Variants in FARS2 observed in about 807,000 individuals in gnomAD.
The protein encoded by FARS2 is phenylalanine--tRNA ligase, mitochondrial.
FARS2 carries 40 observed loss-of-function variants against 46.4 expected under a neutral mutation model. The observed-to-expected ratio is 0.86, with a 90% CI of 0.67 to 1.12. The LOEUF (loss-of-function observed/expected upper bound fraction) is 1.12. FARS2 is among the 50% of genes most tolerant of loss of function. The pLI, the probability that FARS2 is intolerant of heterozygous loss-of-function variation, is 0.00. For synonymous variants in FARS2, 234 were observed against 214.9 expected, an observed-to-expected ratio of 1.09 and a Z score of -0.78; for missense variants, 513 against 567.9, an observed-to-expected ratio of 0.90 and a Z score of 0.98.
intron 4 of FARS2, among the ~76,000 whole-genome samples, chr6:5,537,833 T>C (rs888870722): frequency 6.6e-6 from 1 of 152,194 alleles, no homozygotes; most frequent in African/African-American, 2.4e-5. Context: ...CTTCTCACTG[T>C]CCTCTTTTCT....
intron 4 of FARS2, among the ~76,000 whole-genome samples, chr6:5,516,553 G>A (rs962773387): frequency 6.6e-6 from 1 of 152,148 alleles, no homozygotes; most frequent in African/African-American, 2.4e-5. Flanking sequence ...GTGCTATTCT[G>A]TGTTAGCTAA....
intron 6 of FARS2, among the ~76,000 whole-genome samples, chr6:5,705,298 C>T (rs1236719280): frequency 1.3e-5 from 2 of 152,140 alleles, no homozygotes; most frequent in Non-Finnish European, 2.9e-5. Flanking sequence ...TGTTTCTTCT[C>T]GACTTCATGC....
intron 2 of FARS2, among the ~76,000 whole-genome samples, chr6:5,388,278 AG>A (rs1760268769): frequency 2.0e-5 from 3 of 152,212 alleles, no homozygotes; most frequent in Admixed American, 6.5e-5. Flanking sequence ...AAATGGTTGC[AG>A]AGAAAAAGTA....
At chr6:5,357,862 TAA>T (rs1758037943) in intron 1 of FARS2, among the ~76,000 whole-genome samples, 1 of 152,168 alleles carries the variant, frequency 6.6e-6, no homozygotes, top group South Asian at 2.1e-4. Flanking sequence ...TTATGAGGAT[TAA>T]AAGAAAAGAG....
chr6:5,431,012 A>G (rs768208541), intron 3 of FARS2, 29 bp from the exon 4 acceptor site: 2 of 1,610,172 alleles, frequency 1.2e-6, no homozygotes, highest in African/African-American at 1.3e-5. Flanking sequence ...ATTTAACACT[A>G]CTTATTTGTT....
intron 5 of FARS2, among the ~76,000 whole-genome samples, chr6:5,611,387 T>A (rs1775175904): frequency 1.3e-5 from 2 of 152,148 alleles, no homozygotes; most frequent in Admixed American, 1.3e-4. Flanking sequence ...GGCTTTCTCC[T>A]GGGGCAGTGG....
At chr6:5,475,236 T>A (rs1766053565) in intron 4 of FARS2, among the ~76,000 whole-genome samples, 1 of 152,200 alleles carries the variant, frequency 6.6e-6, no homozygotes, top group African/African-American at 2.4e-5. Context: ...AAGACTAGAT[T>A]TCTTGGACAG....
intron 1 of FARS2, among the ~76,000 whole-genome samples, chr6:5,324,655 C>T (rs1770231546): frequency 6.6e-6 from 1 of 152,088 alleles, no homozygotes; most frequent in South Asian, 2.1e-4. Flanking sequence ...ATGAACAGTA[C>T]ACATACTCTA....
At chr6:5,576,954 G>C (rs1045958691) in intron 5 of FARS2, among the ~76,000 whole-genome samples, 7 of 151,832 alleles carry the variant, frequency 4.6e-5, no homozygotes, top group African/African-American at 1.5e-4. Context: ...TATTTCCTGA[G>C]GGTGTTGGAA....
chr6:5,708,526 A>G (rs1758908926), intron 6 of FARS2, among the ~76,000 whole-genome samples: 1 of 152,150 alleles, frequency 6.6e-6, no homozygotes, highest in South Asian at 2.1e-4. Context: ...AAACTACTTC[A>G]GTTTCATCCA....
In FARS2 at chr6:5,302,581, A is replaced by G. The variant is rs148923066; in HGVS notation, c.-22+40921A>G. On this transcript the variant is annotated intron_variant, in intron 1 of 6. Coordinates refer to ENST00000274680, the MANE Select transcript of FARS2 (RefSeq NM_006567.5). ...ATCTTAGGAGGTGGACACTATTACT[A>G]TCTTTTACAGATGGGGAGATGAGGC... Among the ~76,000 whole-genome samples the G allele has an allele frequency of 3.8e-3, 581 of 152,322 alleles. 3 individuals carry two copies. Among genetic ancestry groups the G allele is most frequent in the Middle Eastern group, 0.01 (3 of 294 alleles).
chr6:5,410,298 C>T (rs150594675), intron 3 of FARS2, among the ~76,000 whole-genome samples: 3,365 of 152,026 alleles, frequency 0.022, 54 homozygotes, highest in South Asian at 0.066. Flanking sequence ...GGATTACAGG[C>T]GTGCGCCACC....
chr6:5,605,115 T>A (rs1476185139), intron 5 of FARS2, among the ~76,000 whole-genome samples: 2 of 152,064 alleles, frequency 1.3e-5, no homozygotes, highest in Non-Finnish European at 2.9e-5. Flanking sequence ...CAGATCAAAA[T>A]CTAAAAAGCG....
chr6:5,461,703 G>A (rs1271459454), intron 4 of FARS2, among the ~76,000 whole-genome samples: 1 of 152,084 alleles, frequency 6.6e-6, no homozygotes, highest in Non-Finnish European at 1.5e-5. Context: ...GTAGTCTTTG[G>A]CATGTGGCTT....
chr6:5,562,770 T>G (rs1156263579), intron 5 of FARS2, among the ~76,000 whole-genome samples: 1 of 151,490 alleles, frequency 6.6e-6, no homozygotes, highest in Non-Finnish European at 1.5e-5. Flanking sequence ...TAAAATTAAC[T>G]ATTTAACCAT....
intron 2 of FARS2, among the ~76,000 whole-genome samples, chr6:5,399,660 C>CT (rs1761136361): frequency 6.6e-6 from 1 of 151,972 alleles, no homozygotes; most frequent in South Asian, 2.1e-4. Flanking sequence ...CCTATCCTTC[C>CT]TTTTTTTCAC....
At chr6:5,451,263 G>A (rs1764476006) in intron 4 of FARS2, among the ~76,000 whole-genome samples, 1 of 151,914 alleles carries the variant, frequency 6.6e-6, no homozygotes, top group South Asian at 2.1e-4. Context: ...ACCTCAGACA[G>A]CTTCATTAGG....
chr6:5,390,303 G>A lies in FARS2; in HGVS notation c.613-14239G>A, dbSNP rs558015391. 8.5e-5 allele frequency among the ~76,000 whole-genome samples: 13 copies of A among 152,344 alleles called. No individual in the cohort carries two copies. The South Asian group carries it at 2.7e-3, about 32-fold the overall frequency. ...GCCCCAGACACCTCAGGCAGGAACAGTAGGTATAATTATTTCATCAGCGTT... is the reference window on the plus strand; with the variant it reads ...GCCCCAGACACCTCAGGCAGGAACAATAGGTATAATTATTTCATCAGCGTT... On this transcript the variant is annotated intron_variant, in intron 2 of 6. Transcript: ENST00000274680.
intron 2 of FARS2, among the ~76,000 whole-genome samples, chr6:5,381,671 G>A (rs1759802154): frequency 6.6e-6 from 1 of 152,134 alleles, no homozygotes; most frequent in East Asian, 1.9e-4. Context: ...TGCCATGCTG[G>A]GGTTATGTTT....
Sources: gnomAD v4.1 joint callset for allele counts (sites outside exome capture counted in the v4.1 genomes callset) on GRCh38, gnomAD v4.1.1 for gene constraint, MANE v1.5 for transcripts, NCBI Gene and HGNC (gene_info 2026-07-23, HGNC 2026-07-21) for gene names.